Variants in TTC3 observed in about 807,000 individuals in gnomAD.
The protein encoded by TTC3 is tetratricopeptide repeat domain 3, also known as E3 ubiquitin-protein ligase TTC3.
TTC3 carries 180 observed loss-of-function variants against 249.6 expected under a neutral mutation model. The ratio of observed to expected loss-of-function variants is 0.72; its 90% CI spans 0.64 to 0.82. The LOEUF (loss-of-function observed/expected upper bound fraction) is 0.82, where lower values mean the gene tolerates loss of function less well. Among genes scored for constraint, TTC3 ranks in the 40% least tolerant of loss-of-function variants. The probability of loss-of-function intolerance (pLI) is 0.00; values close to 1 mark genes in which losing one functional copy is unlikely to be tolerated. For synonymous variants in TTC3, 717 were observed against 805.0 expected (o/e 0.89, Z 1.85); for missense variants, 2,061 against 2,398.4 (o/e 0.86, Z 2.94).
chr21:37,147,931 A>T (rs2079125803), intron 22 of TTC3, among the ~76,000 whole-genome samples: 1 of 151,920 alleles, frequency 6.6e-6, no homozygotes, highest in Admixed American at 6.6e-5. Flanking sequence ...GTTTCACCAT[A>T]TTGGCCAGGA....
intron 21 of TTC3, among the ~76,000 whole-genome samples, chr21:37,146,640 A>G (rs902729218): frequency 2.6e-5 from 4 of 152,216 alleles, no homozygotes; most frequent in African/African-American, 7.2e-5. Flanking sequence ...AATCTCCAGA[A>G]TAAGCAAGTC....
chr21:37,106,478 C>G (rs2075088196), intron 10 of TTC3, among the ~76,000 whole-genome samples: 1 of 152,188 alleles, frequency 6.6e-6, no homozygotes, highest in African/African-American at 2.4e-5. Context: ...TTTACCCATT[C>G]AAAGGTCACC....
intron 1 of TTC3, among the ~76,000 whole-genome samples, chr21:37,079,069 T>C (rs1399468232): frequency 6.6e-6 from 1 of 152,234 alleles, no homozygotes; most frequent in Admixed American, 6.5e-5. Flanking sequence ...TTCCGTTTTA[T>C]AGATTTAAAA....
At chr21:37,156,874 A>G in exon 28 of TTC3, 2 of 1,613,948 alleles carry the variant, frequency 1.2e-6, no homozygotes, top group Non-Finnish European at 8.5e-7. Context: ...CCAGCATTGC[A>G]TAGTGCTTTA....
chr21:37,141,713 G>A (rs1022130149), intron 20 of TTC3, among the ~76,000 whole-genome samples: 46 of 152,316 alleles, frequency 3.0e-4, no homozygotes, highest in African/African-American at 1.1e-3. Context: ...AGGTTGCAGT[G>A]AGCTGAGATT....
intron 45 of TTC3, 56 bp downstream of exon 45, chr21:37,200,380 C>A: frequency 6.5e-7 from 1 of 1,533,442 alleles, no homozygotes; most frequent in South Asian, 1.2e-5. Context: ...CAAATATTTT[C>A]AAAATAAGAA....
chr21:37,075,181 C>T lies in TTC3; in HGVS notation c.-12+1817C>T, dbSNP rs1458962568. Among the ~76,000 whole-genome samples the T allele has an allele frequency of 1.2e-4, 12 of 96,892 alleles. No individual in the cohort carries two copies. In the East Asian group the frequency reaches 2.2e-3, roughly 18 times the overall value. 63.6% of individuals were successfully genotyped at this position (96,892 alleles called of 152,430 possible). A position where few individuals can be genotyped will look rare whatever the true frequency, so the allele number is the denominator to read the frequency against. On this transcript the variant is annotated intron_variant, in intron 1 of 45. Coordinates refer to ENST00000355666, the Ensembl canonical transcript of TTC3. ...TTGCAACTTGCTTTTTTTTTTTTTG[C>T]TCAGCATCATATTTTGAGGTTTATA...
Position 37,147,869 on chromosome 21 carries a change from C to T in TTC3, c.2016+266C>T, listed in dbSNP as rs193116573. 4.6e-5 allele frequency among the ~76,000 whole-genome samples: 7 copies of T among 152,212 alleles called. No individual in the cohort carries two copies. The East Asian group carries it at 1.2e-3, about 25-fold the overall frequency. The stretch of plus-strand genomic sequence containing the variant: ...TCAGCCTCCCAAGTAGCTGGGATTA[C>T]AGGCGTGTCCCAGCACGCCCAGCTA... On this transcript the variant is annotated intron_variant, in intron 22 of 45. Transcript: ENST00000355666.
intron 11 of TTC3, among the ~76,000 whole-genome samples, chr21:37,111,180 A>G (rs2075624996): frequency 6.6e-6 from 1 of 152,236 alleles, no homozygotes. Context: ...CATCATAATG[A>G]CAGGATCAAA....
chr21:37,200,362 G>A, intron 45 of TTC3, 38 bp downstream of exon 45: 1 of 1,566,580 alleles, frequency 6.4e-7, no homozygotes, highest in Non-Finnish European at 8.7e-7. Context: ...AGCATGCATT[G>A]GGACCTTCAA....
rs887135068 is a variant in TTC3, at chr21:37,138,732, G to A, written c.1659+18G>A. The A allele has an allele frequency of 2.6e-6, 4 of 1,545,120 alleles. No homozygotes were observed. In the African/African-American group the frequency reaches 5.5e-5, roughly 21 times the overall value. ...AGCCTGAGGTAAGATTTGTAACAGT[G>A]GTAATAAACAATTAAAATGATATTG... On this transcript the variant is annotated intron_variant, in intron 19 of 45. Transcript: ENST00000355666.
rs775266963 is a variant in TTC3, at chr21:37,153,020, C to G, written c.2483C>G (p.Ala828Gly). ...ATTCTACAGTGTATAAAGCAGTATGCTGACAAGATTAAATCCGGCATACAG... is the reference window on the plus strand; with the variant it reads ...ATTCTACAGTGTATAAAGCAGTATGGTGACAAGATTAAATCCGGCATACAG... Residue 828 changes from alanine to glycine, a missense_variant, in exon 27 of 46, where the codon GCT (alanine) becomes GGT (glycine). Ala to Gly is a moderately conservative substitution (Grantham distance 60). Transcript: ENST00000355666. 3.0e-5 allele frequency: 48 copies of G among 1,613,974 alleles called. No homozygotes were observed. The East Asian group carries it at 1.1e-3, about 36-fold the overall frequency.
chr21:37,168,301 GAT>G (rs761699920), intron 34 of TTC3, among the ~76,000 whole-genome samples: 29 of 152,202 alleles, frequency 1.9e-4, no homozygotes, highest in Admixed American at 7.8e-4. Flanking sequence ...TGAGAAAGCA[GAT>G]ATGAGAAAGA....
At chr21:37,108,987 A>G (rs1475963707) in intron 11 of TTC3, among the ~76,000 whole-genome samples, 1 of 152,064 alleles carries the variant, frequency 6.6e-6, no homozygotes, top group Non-Finnish European at 1.5e-5. Context: ...TAAATAAGAA[A>G]CCCCGTAGAA....
chr21:37,098,570 T>C (rs1472859606), intron 10 of TTC3: 2 of 152,218 alleles, frequency 1.3e-5, no homozygotes, highest in African/African-American at 4.8e-5. Flanking sequence ...TAAAGCCAGG[T>C]CAGCAGCATT....
At chr21:37,094,065 C>T in exon 8 of TTC3, 2 of 1,605,800 alleles carry the variant, frequency 1.2e-6, no homozygotes, top group Non-Finnish European at 1.7e-6. Flanking sequence ...GAACTTAAAA[C>T]TCAAAGTTGT....
In TTC3 at chr21:37,201,424, GT is replaced by G; in HGVS notation, c.5944-12del. The G allele has an allele frequency of 6.2e-7, 1 of 1,613,422 alleles. No homozygotes were observed. ...GGTCCTGAAGGCATCTTCTGATTTT[GT>G]TTTCTCCTTTTCAGTGCTTTAAGCA... On this transcript the variant is annotated splice_polypyrimidine_tract_variant and intron_variant, in intron 45 of 45. Coordinates refer to ENST00000355666, the Ensembl canonical transcript of TTC3.
At chr21:37,139,678 T>C (rs189327200) in intron 19 of TTC3, among the ~76,000 whole-genome samples, 1 of 152,276 alleles carries the variant, frequency 6.6e-6, no homozygotes, top group East Asian at 1.9e-4. Flanking sequence ...AAGAGACAGT[T>C]GGAGACAGAA....
chr21:37,128,883 C>A, intron 15 of TTC3, 120 bp from the exon 16 acceptor site: 1 of 597,700 alleles, frequency 1.7e-6, no homozygotes, highest in African/African-American at 1.9e-5. Context: ...TAGTTACACC[C>A]ACGTACCACA....
Sources: gnomAD v4.1 joint callset for allele counts (sites outside exome capture counted in the v4.1 genomes callset) on GRCh38, gnomAD v4.1.1 for gene constraint, MANE v1.5 for transcripts, NCBI Gene and HGNC (gene_info 2026-07-23, HGNC 2026-07-21) for gene names.